AGBL1: variants seen among roughly 807,000 people sequenced by gnomAD.
AGBL1 encodes AGBL carboxypeptidase 1.
AGBL1 carries 130 observed loss-of-function variants against 118.9 expected under a neutral mutation model. The observed-to-expected ratio is 1.09, with a 90% CI of 0.95 to 1.26. AGBL1 has a LOEUF of 1.26. Ranked by LOEUF, AGBL1 falls within the 50% of genes most tolerant of loss-of-function variation. AGBL1 has a pLI of 0.00. For synonymous variants in AGBL1, 555 were observed against 478.9 expected, an observed-to-expected ratio of 1.16 and a Z score of -2.08; for missense variants, 1,584 against 1,298.1, an observed-to-expected ratio of 1.22 and a Z score of -3.38.
chr15:86,397,109 A>C (rs116205802), intron 17 of AGBL1, among the ~76,000 whole-genome samples: 3 of 152,154 alleles, frequency 2.0e-5, no homozygotes, highest in African/African-American at 7.2e-5. Context: ...CCTCATGCCA[A>C]TCATGTGAAA....
chr15:86,548,099 A>G (rs2083610545), intron 20 of AGBL1, among the ~76,000 whole-genome samples: 1 of 152,138 alleles, frequency 6.6e-6, no homozygotes. Context: ...GGACCCACTC[A>G]TTTTACAGAT....
At chr15:86,474,982 G>T (rs962039694) in intron 18 of AGBL1, among the ~76,000 whole-genome samples, 1 of 152,296 alleles carries the variant, frequency 6.6e-6, no homozygotes, top group East Asian at 1.9e-4. Flanking sequence ...GTGGACCTCC[G>T]GCAAACTCCA....
At chr15:86,721,671 GA>G (rs1336030311) in intron 22 of AGBL1, among the ~76,000 whole-genome samples, 1 of 152,192 alleles carries the variant, frequency 6.6e-6, no homozygotes, top group Non-Finnish European at 1.5e-5. Context: ...TTAGGCAGGA[GA>G]AGGAAATAAA....
intron 1 of AGBL1, among the ~76,000 whole-genome samples, chr15:86,092,399 CCTCTG>C (rs1404243851): frequency 1.3e-5 from 2 of 152,060 alleles, no homozygotes; most frequent in Non-Finnish European, 2.9e-5. Flanking sequence ...CTTCCATGAA[CCTCTG>C]CTCTTAAATA....
intron 21 of AGBL1, among the ~76,000 whole-genome samples, chr15:86,568,200 G>A (rs765752119): frequency 6.6e-6 from 1 of 151,914 alleles, no homozygotes; most frequent in African/African-American, 2.4e-5. Context: ...CCCAGGTCAG[G>A]GTATTTTAAA....
intron 17 of AGBL1, among the ~76,000 whole-genome samples, chr15:86,394,328 C>T (rs921829308): frequency 1.3e-5 from 2 of 152,064 alleles, no homozygotes; most frequent in Admixed American, 6.6e-5. Context: ...GATGAAAATG[C>T]ATCATCTCCC....
At chr15:86,819,008 A>G (rs2078902439) in intron 22 of AGBL1, among the ~76,000 whole-genome samples, 1 of 152,102 alleles carries the variant, frequency 6.6e-6, no homozygotes, top group Admixed American at 6.6e-5. Context: ...TATAATAGTT[A>G]CAGTTGTTGT....
intron 16 of AGBL1, among the ~76,000 whole-genome samples, chr15:86,285,808 G>A (rs1183256528): frequency 6.6e-6 from 1 of 152,112 alleles, no homozygotes; most frequent in East Asian, 1.9e-4. Flanking sequence ...TTCAGGCTTT[G>A]CCTCGTCCAA....
intron 22 of AGBL1, among the ~76,000 whole-genome samples, chr15:86,843,828 C>A (rs1386683700): frequency 6.6e-6 from 1 of 152,138 alleles, no homozygotes; most frequent in Non-Finnish European, 1.5e-5. Context: ...TCACCAGAAT[C>A]CAGTTTTAGA....
In AGBL1 at chr15:86,817,494, AG is replaced by A. The variant is rs1176785574; in HGVS notation, c.3159-89591del. Among the ~76,000 whole-genome samples, 34 of 147,920 alleles carry A rather than the reference AG, an allele frequency of 2.3e-4. 1 individual carries two copies. The highest frequency in any genetic ancestry group is 3.0e-4 in the African/African-American group (12 of 39,848). On this transcript the variant is annotated intron_variant, in intron 22 of 22. Transcript: ENST00000614907. Reference sequence around the variant, plus strand: ...CACACACACACACACACACACACAGAGGAGAGAGAGAGAGAAAGAGACAGGC... The same window carrying A: ...CACACACACACACACACACACACAGAGAGAGAGAGAGAGAAAGAGACAGGC...
Position 86,803,122 on chromosome 15 carries a change from G to A in AGBL1, c.3159-103965G>A, listed in dbSNP as rs184102494. ...AGATTTGTTTCATAAGGAGCATCAT[G>A]TATAGCACTGACATGTTTTGGCTCT... On this transcript the variant is annotated intron_variant, in intron 22 of 22. Coordinates refer to ENST00000614907, the MANE Select transcript of AGBL1 (RefSeq NM_001386094.1). 9.2e-5 allele frequency among the ~76,000 whole-genome samples: 14 copies of A among 152,220 alleles called. No homozygotes were observed. The South Asian group carries it at 2.9e-3, about 32-fold the overall frequency.
intron 3 of AGBL1, among the ~76,000 whole-genome samples, chr15:86,152,233 A>G (rs2077123051): frequency 1.3e-5 from 2 of 152,234 alleles, no homozygotes; most frequent in South Asian, 4.1e-4. Context: ...CAAAAAGAAT[A>G]AAGCTGGAGA....
chr15:86,277,509 C>A (rs1436199872), intron 15 of AGBL1, among the ~76,000 whole-genome samples: 1 of 152,052 alleles, frequency 6.6e-6, no homozygotes, highest in Non-Finnish European at 1.5e-5. Context: ...CAGGTTTTGC[C>A]TGAATGAGGG....
At chr15:86,992,347 G>A (rs1379435138) in intron 24 of AGBL1, among the ~76,000 whole-genome samples, 1 of 152,132 alleles carries the variant, frequency 6.6e-6, no homozygotes, top group African/African-American at 2.4e-5. Flanking sequence ...GGTTTGGAGG[G>A]AAACATCGGA....
At chr15:86,142,176 CTG>C (rs1436538895) in intron 2 of AGBL1, 109 bp downstream of exon 2, 1 of 1,076,288 alleles carries the variant, frequency 9.3e-7, no homozygotes, top group East Asian at 2.6e-5. Context: ...CTTCAGTTTC[CTG>C]TGAGAGGCAG....
At chr15:86,677,731 A>T (rs528515390) in intron 22 of AGBL1, among the ~76,000 whole-genome samples, 145 of 152,316 alleles carry the variant, frequency 9.5e-4, no homozygotes, top group African/African-American at 3.3e-3. Context: ...GCCTGGGCTC[A>T]CCTTAGTATC....
At chr15:87,003,963 C>G (rs913839809) in intron 24 of AGBL1, among the ~76,000 whole-genome samples, 3 of 152,068 alleles carry the variant, frequency 2.0e-5, no homozygotes, top group African/African-American at 7.2e-5. Context: ...GTCTCTATCT[C>G]CTTCAGTTCT....
chr15:86,500,733 T>A (rs1347265277), intron 18 of AGBL1, among the ~76,000 whole-genome samples: 2 of 151,810 alleles, frequency 1.3e-5, no homozygotes, highest in Non-Finnish European at 2.9e-5. Flanking sequence ...GTGTTTCATA[T>A]AAATGGTATG....
At chr15:86,129,841 T>G (rs985541681) in intron 1 of AGBL1, among the ~76,000 whole-genome samples, 1 of 152,080 alleles carries the variant, frequency 6.6e-6, no homozygotes, top group African/African-American at 2.4e-5. Flanking sequence ...GTTAACACAG[T>G]GGAGGTTTTG....
Sources: gnomAD v4.1 joint callset for allele counts (sites outside exome capture counted in the v4.1 genomes callset) on GRCh38, gnomAD v4.1.1 for gene constraint, MANE v1.5 for transcripts, NCBI Gene and HGNC (gene_info 2026-07-23, HGNC 2026-07-21) for gene names.